Variants in INTU observed in about 807,000 individuals in gnomAD.
INTU encodes inturned planar cell polarity protein.
Under a neutral mutation model 100.5 loss-of-function variants are expected in INTU, and 68 were observed. The observed-to-expected ratio is 0.68, with a 90% CI of 0.56 to 0.83. INTU has a LOEUF of 0.83. Ranked by LOEUF, INTU falls within the 40% of genes least tolerant of loss-of-function variation. The pLI, the probability that INTU is intolerant of heterozygous loss-of-function variation, is 0.00. For missense variants in INTU, 1,071 were observed against 1,114.7 expected (o/e 0.96, Z 0.56); for synonymous variants, 357 against 395.7 (o/e 0.90, Z 1.16).
Position 127,716,781 on chromosome 4 carries a change from ATTTGTTGTTG to A in INTU, c.*349_*358del, listed in dbSNP as rs1731274302. ...AATGTTTATTCTTGAAAAATACTCA[ATTTGTTGTTG>A]TTTATTTTTCTCAAAATTCATACTG... On this transcript the variant is annotated 3_prime_UTR_variant, in exon 16 of 16. Transcript: ENST00000335251. 1 of 155,660 alleles carries A rather than the reference ATTTGTTGTTG, an allele frequency of 6.4e-6. No homozygotes were observed. Among genetic ancestry groups the A allele is most frequent in the Non-Finnish European group, 1.4e-5 (1 of 70,342 alleles). The allele number at this position is 155,660 out of a possible 1,614,324, so 9.6% of individuals were successfully genotyped here.
intron 3 of INTU, among the ~76,000 whole-genome samples, chr4:127,662,021 G>T (rs574444488): frequency 1.3e-5 from 2 of 152,090 alleles, no homozygotes; most frequent in South Asian, 4.2e-4. Flanking sequence ...ATTTTAACTT[G>T]CATTTCCCTG....
chr4:127,653,867 G>C (rs1421693349), intron 2 of INTU, among the ~76,000 whole-genome samples: 1 of 151,776 alleles, frequency 6.6e-6, no homozygotes, highest in Non-Finnish European at 1.5e-5. Flanking sequence ...AAGTCTCTTT[G>C]TAGGTCACTC....
At chr4:127,705,016 C>T (rs780064757) in intron 10 of INTU, among the ~76,000 whole-genome samples, 14 of 151,658 alleles carry the variant, frequency 9.2e-5, no homozygotes, top group Non-Finnish European at 1.3e-4. Flanking sequence ...GGTGTGAACC[C>T]GGGAAGCAGA....
chr4:127,700,047 C>T lies in INTU; in HGVS notation c.1487C>T (p.Ala496Val). ...ATGGCATTAAGTGACTTGGAGGCTG[C>T]AGATTTTGCAGAACTGGTAAGGGAA... Reference protein sequence around the residue: ...LDMALSDLEAADFAELSEDYY... With the variant: ...LDMALSDLEAVDFAELSEDYY... The change falls in exon 9 of 16, where the codon GCA (alanine) becomes GTA (valine). Residue 496 changes from alanine to valine, a missense_variant. By Grantham distance (64) the Ala-to-Val change is moderately conservative. Transcript: ENST00000335251. The T allele has an allele frequency of 6.2e-7, 1 of 1,602,384 alleles. No individual in the cohort carries two copies. Among genetic ancestry groups the T allele is most frequent in the Admixed American group, 1.7e-5 (1 of 58,606 alleles).
chr4:127,651,631 A>G (rs796557559), intron 2 of INTU, among the ~76,000 whole-genome samples: 3 of 152,118 alleles, frequency 2.0e-5, no homozygotes, highest in South Asian at 2.1e-4. Context: ...GCCTTGTAGT[A>G]TAGTTTGAAG....
intron 2 of INTU, among the ~76,000 whole-genome samples, chr4:127,649,836 T>A (rs1727758444): frequency 6.6e-6 from 1 of 152,180 alleles, no homozygotes; most frequent in African/African-American, 2.4e-5. Flanking sequence ...AATGGATGAA[T>A]ATGAATTATT....
intron 6 of INTU, among the ~76,000 whole-genome samples, chr4:127,676,709 A>C (rs993968425): frequency 1.3e-5 from 2 of 152,098 alleles, no homozygotes; most frequent in Admixed American, 6.5e-5. Context: ...CATCTGAGGT[A>C]CCGGGTTCAT....
At chr4:127,668,960 C>G in intron 4 of INTU, 76 bp from the exon 5 acceptor site, 1 of 627,270 alleles carries the variant, frequency 1.6e-6, no homozygotes, top group Non-Finnish European at 2.8e-6. Flanking sequence ...CTTTTCTTAA[C>G]ACAAAGTTTG....
chr4:127,645,469 A>T (rs1215716791), intron 2 of INTU, among the ~76,000 whole-genome samples: 1 of 152,156 alleles, frequency 6.6e-6, no homozygotes, highest in African/African-American at 2.4e-5. Context: ...AGGAATCCCA[A>T]GTGAGAACCA....
chr4:127,713,616 G>T (rs1311886844), intron 14 of INTU, among the ~76,000 whole-genome samples: 1 of 152,010 alleles, frequency 6.6e-6, no homozygotes, highest in East Asian at 1.9e-4. Context: ...CTTCCCTGGG[G>T]AAAAAAGCTT....
rs186158411 is a variant in INTU at position 127,664,306 on chromosome 4, A to G, written c.972+722A>G. 1.6e-3 allele frequency among the ~76,000 whole-genome samples: 242 copies of G among 152,208 alleles called. 1 individual carries two copies. The highest frequency in any genetic ancestry group is 7.0e-3 in the South Asian group (34 of 4,828). On this transcript the variant is annotated intron_variant, in intron 4 of 15. Transcript: ENST00000335251. The stretch of plus-strand genomic sequence containing the variant: ...ACATAGCTAGTAACTGACAATTTCT[A>G]CTTAAGCTGAAGTGTTTCCAAATTC...
intron 6 of INTU, among the ~76,000 whole-genome samples, chr4:127,675,526 TATTAACACAAAGGTG>T (rs1457985488): frequency 6.6e-6 from 1 of 152,238 alleles, no homozygotes; most frequent in Non-Finnish European, 1.5e-5. Flanking sequence ...AGTAAACATT[TATTAACACAAAGGTG>T]TTTTCGTGGT....
intron 7 of INTU, 96 bp from the exon 8 acceptor site, chr4:127,687,582 C>A: frequency 1.2e-6 from 1 of 854,332 alleles, no homozygotes; most frequent in Admixed American, 2.0e-5. Context: ...GGAAGATAGC[C>A]TATGTAGTTG....
chr4:127,687,164 A>G (rs1729865010), intron 7 of INTU: 1 of 152,244 alleles, frequency 6.6e-6, no homozygotes, highest in Admixed American at 6.5e-5. Context: ...CATGTGAGCT[A>G]GATTGTATTA....
At chr4:127,647,006 C>G (rs1727622610) in intron 2 of INTU, among the ~76,000 whole-genome samples, 1 of 152,030 alleles carries the variant, frequency 6.6e-6, no homozygotes, top group Admixed American at 6.6e-5. Flanking sequence ...TTTTTCTGTC[C>G]CATACATATG....
intron 4 of INTU, 94 bp downstream of exon 4, chr4:127,663,678 G>A (rs2126200343): frequency 1.1e-6 from 1 of 907,298 alleles, no homozygotes; most frequent in East Asian, 2.5e-5. Flanking sequence ...TGAATAGTGA[G>A]TATATTTGAT....
rs753775204 is a variant in INTU at position 127,710,955 on chromosome 4, C to A, written c.2412C>A (p.Ala804=). 7.8e-6 allele frequency: 12 copies of A among 1,544,902 alleles called. No homozygotes were observed. The South Asian group carries it at 1.5e-4, about 20-fold the overall frequency. ...AGAACACACTTTTCCACTACGTTGC[C>A]TTAGAAACAGTGCAAGGAATCTTTA... ...GPENTLFHYV[A]LETVQGIFIT... Residue 804 remains alanine (A), a synonymous_variant, in exon 14 of 16, where the codon GCC becomes GCA. Coordinates refer to ENST00000335251, the MANE Select transcript of INTU (RefSeq NM_015693.4).
Position 127,674,138 on chromosome 4 carries a change from T to G in INTU, c.1106T>G (p.Leu369Ter), listed in dbSNP as rs1473749416. 1 of 1,611,272 alleles carries G rather than the reference T, an allele frequency of 6.2e-7. No homozygotes were observed. The highest frequency in any genetic ancestry group is 8.5e-7 in the Non-Finnish European group (1 of 1,178,570). Residue 369 changes from leucine to a stop codon, truncating the protein, a stop_gained, in exon 6 of 16, where the codon TTA becomes TGA. Transcript: ENST00000335251. LOFTEE classifies it high-confidence loss of function. ...TTGTTTCTTAGTTCATCCCTCCTTTTAAATGGAAAACAAATTCATGTGGCT... is the reference window on the plus strand; with the variant it reads ...TTGTTTCTTAGTTCATCCCTCCTTTGAAATGGAAAACAAATTCATGTGGCT... The part of the protein sequence containing the change: ...GTQVTSSSLL[L>*]NGKQIHVAYW...
In INTU at chr4:127,643,959, C is replaced by G. The variant is rs987806057; in HGVS notation, c.585C>G (p.Ser195Arg). ...GAATTATTCATCAGACCAAGTGGAG[C>G]TGGAGAAGAACCGGAAAGCAGGGTG... ...LVGIIHQTKW[S>R]WRRTGKQGDG... The change falls in exon 2 of 16, where the codon AGC (serine) becomes AGG (arginine). Residue 195 changes from serine (S) to arginine (R), a missense_variant. Physicochemically the swap from Ser to Arg is moderately radical, Grantham distance 110. Coordinates refer to ENST00000335251, the MANE Select transcript of INTU (RefSeq NM_015693.4). 2 of 1,614,084 alleles carry G rather than the reference C, an allele frequency of 1.2e-6. No homozygotes were observed. Among genetic ancestry groups the G allele is most frequent in the Non-Finnish European group, 1.7e-6 (2 of 1,179,986 alleles).
Sources: allele counts gnomAD v4.1 joint callset (sites outside exome capture counted in the v4.1 genomes callset), GRCh38; gene constraint gnomAD v4.1.1; transcripts MANE v1.5; gene names NCBI Gene and HGNC (gene_info 2026-07-23, HGNC 2026-07-21).